Variants in TJP2 observed in about 807,000 individuals in gnomAD.
The protein encoded by TJP2 is Friedreich ataxia region gene X104 (tight junction protein ZO-2).
TJP2 carries 91 observed loss-of-function variants against 133.1 expected under a neutral mutation model. The ratio of observed to expected loss-of-function variants is 0.68; its 90% CI spans 0.58 to 0.81. The LOEUF (loss-of-function observed/expected upper bound fraction) is 0.81, where lower values mean the gene tolerates loss of function less well. Ranked by LOEUF, TJP2 falls within the 40% of genes least tolerant of loss-of-function variation. The probability of loss-of-function intolerance (pLI) is 0.00; values close to 1 mark genes in which losing one functional copy is unlikely to be tolerated. For synonymous variants in TJP2, 592 were observed against 583.4 expected, an observed-to-expected ratio of 1.01 and a Z score of -0.21; for missense variants, 1,541 against 1,565.6, an observed-to-expected ratio of 0.98 and a Z score of 0.26.
chr9:69,253,019 T>C (rs909905085), intron 22 of TJP2, 119 bp downstream of exon 22: 1 of 875,416 alleles, frequency 1.1e-6, no homozygotes, highest in East Asian at 2.6e-5. Flanking sequence ...CCCCACAGAT[T>C]GACTGTTTGC....
intron 1 of TJP2, among the ~76,000 whole-genome samples, chr9:69,211,105 C>T (rs956823000): frequency 1.1e-4 from 16 of 152,096 alleles, no homozygotes; most frequent in Non-Finnish European, 2.1e-4. Flanking sequence ...TTTGGGAGGC[C>T]GAGGCAGGTG....
intron 1 of TJP2, among the ~76,000 whole-genome samples, chr9:69,184,234 G>A (rs1825698555): frequency 6.6e-6 from 1 of 152,212 alleles, no homozygotes; most frequent in South Asian, 2.1e-4. Flanking sequence ...TCAATACAGA[G>A]TATTAGTTGC....
At chr9:69,184,717 G>A (rs1034019378) in intron 1 of TJP2, among the ~76,000 whole-genome samples, 2 of 150,926 alleles carry the variant, frequency 1.3e-5, no homozygotes, top group African/African-American at 4.9e-5. Flanking sequence ...AAGAACTGCT[G>A]CTGCAGTTCA....
chr9:69,237,164 T>A, intron 14 of TJP2, 28 bp downstream of exon 14: 1 of 1,613,304 alleles, frequency 6.2e-7, no homozygotes. Flanking sequence ...GGCCTGGAAA[T>A]GAACTGACTG....
At chr9:69,156,689 G>A (rs1264908432) in intron 2 of TJP2, among the ~76,000 whole-genome samples, 1 of 151,750 alleles carries the variant, frequency 6.6e-6, no homozygotes, top group African/African-American at 2.4e-5. Context: ...CCGCCACTGC[G>A]CCCGGCTAAT....
rs1472627432 is a variant in TJP2 at position 69,221,488 on chromosome 9, C to A, written c.944C>A (p.Ala315Glu). The change falls in exon 5 of 23, where the codon GCG (alanine) becomes GAG (glutamate). Residue 315 changes from alanine (A) to glutamate (E), a missense_variant. Transcript: ENST00000377245. Reference protein sequence around the residue: ...PIGVLLMKSRANEEYGLRLGS... With the variant: ...PIGVLLMKSRENEEYGLRLGS... ...GGGGTCCTCCTGATGAAAAGCAGAG[C>A]GAACGAAGGTAGGCATGCTTGATGT... The A allele has an allele frequency of 1.2e-6, 2 of 1,602,492 alleles. No homozygotes were observed. Among genetic ancestry groups the A allele is most frequent in the Non-Finnish European group, 1.7e-6 (2 of 1,174,468 alleles).
chr9:69,135,441 T>TG (rs1822687992), intron 1 of TJP2, among the ~76,000 whole-genome samples: 1 of 152,042 alleles, frequency 6.6e-6, no homozygotes. Context: ...ATTTTGTTGT[T>TG]GTTGTTGTTT....
intron 1 of TJP2, among the ~76,000 whole-genome samples, chr9:69,143,038 A>G (rs1400588732): frequency 1.3e-5 from 2 of 152,238 alleles, no homozygotes; most frequent in African/African-American, 4.8e-5. Flanking sequence ...GATTCCACAC[A>G]AAGATGACAA....
Position 69,216,321 on chromosome 9 carries a change from C to T in TJP2, c.115-18C>T. On this transcript the variant is annotated intron_variant, in intron 2 of 22. Coordinates refer to ENST00000377245, the MANE Select transcript of TJP2 (RefSeq NM_004817.4). ...ACTTATTGAAGGATTTTTAATATTT[C>T]TCCTCTCTGATGTACAGGATTCCAA... 1.9e-6 allele frequency: 3 copies of T among 1,614,026 alleles called. No individual in the cohort carries two copies. Among genetic ancestry groups the T allele is most frequent in the Non-Finnish European group, 2.5e-6 (3 of 1,179,958 alleles).
intron 1 of TJP2, among the ~76,000 whole-genome samples, chr9:69,186,798 T>A (rs1825887543): frequency 6.6e-6 from 1 of 152,232 alleles, no homozygotes; most frequent in Non-Finnish European, 1.5e-5. Flanking sequence ...GATTTGACAA[T>A]ATTCTTTAGA....
chr9:69,178,257 A>G (rs1825240810), intron 1 of TJP2, among the ~76,000 whole-genome samples: 2 of 152,226 alleles, frequency 1.3e-5, no homozygotes, highest in South Asian at 4.1e-4. Context: ...GTGCAGAGAG[A>G]TACATATTCT....
chr9:69,202,411 A>G (rs1827059844), intron 1 of TJP2, among the ~76,000 whole-genome samples: 1 of 152,188 alleles, frequency 6.6e-6, no homozygotes. Flanking sequence ...TTCAAACCTT[A>G]GCAGGTGCTA....
At chr9:69,198,183 C>CTTTTTTTTTTTTTTTT in intron 1 of TJP2, among the ~76,000 whole-genome samples, 1 of 140,686 alleles carries the variant, frequency 7.1e-6, no homozygotes. Context: ...ACTCTGTCAC[C>CTTTTTTTTTTTTTTTT]CAGGCTGGAG....
intron 17 of TJP2, among the ~76,000 whole-genome samples, chr9:69,244,327 C>G (rs1351365154): frequency 6.6e-6 from 1 of 152,062 alleles, no homozygotes; most frequent in Non-Finnish European, 1.5e-5. Context: ...CAGTCATTCC[C>G]CATTTCTCCC....
intron 1 of TJP2, among the ~76,000 whole-genome samples, chr9:69,137,283 CTTTCTTTCTTTCTTTCTTTTCTTTTCT>C (rs1251061793): frequency 0.077 from 8,185 of 106,078 alleles, 324 homozygotes; most frequent in Middle Eastern, 0.12. Context: ...TTCTTTCTTT[CTTTCTTTCTTTCTTTCTTTTCTTTTCT>C]TTTCTTTTCT....
At chr9:69,141,860 A>AGGCC (rs1823032880) in intron 1 of TJP2, among the ~76,000 whole-genome samples, 1 of 152,202 alleles carries the variant, frequency 6.6e-6, no homozygotes, top group African/African-American at 2.4e-5. Context: ...CAGTGCTGGG[A>AGGCC]TTACAGGCGT....
intron 2 of TJP2, among the ~76,000 whole-genome samples, chr9:69,156,130 C>T (rs1823744895): frequency 6.6e-6 from 1 of 152,110 alleles, no homozygotes; most frequent in Non-Finnish European, 1.5e-5. Context: ...TTTGGGAGGC[C>T]CAGGCTGGAA....
At position 69,238,061 on chromosome 9, in the gene TJP2, T is replaced by C; in HGVS notation, c.2275+88T>C. ...GTTGGAAGAATCATGAACACCCACG[T>C]ACCCTTCACCTGGAATCACCAGTTG... is the stretch of plus-strand genomic sequence containing the variant. On this transcript the variant is annotated intron_variant, in intron 15 of 22. Coordinates refer to ENST00000377245, the MANE Select transcript of TJP2 (RefSeq NM_004817.4). The C allele has an allele frequency of 3.4e-6, 3 of 890,774 alleles. No individual in the cohort carries two copies. In the South Asian group the frequency reaches 4.2e-5, roughly 12 times the overall value. The allele number at this position is 890,774 out of a possible 1,614,324, so 55.2% of individuals were successfully genotyped here.
intron 2 of TJP2, among the ~76,000 whole-genome samples, chr9:69,168,806 A>ATT (rs1564397014): frequency 6.7e-6 from 1 of 150,118 alleles, no homozygotes; most frequent in Non-Finnish European, 1.5e-5. Context: ...GTCTCAAAAA[A>ATT]AAAAAAAAAA....
Sources: gnomAD v4.1 joint callset for allele counts (sites outside exome capture counted in the v4.1 genomes callset) on GRCh38, gnomAD v4.1.1 for gene constraint, MANE v1.5 for transcripts, NCBI Gene and HGNC (gene_info 2026-07-23, HGNC 2026-07-21) for gene names.